Variants in SLC38A8 observed in about 807,000 individuals in gnomAD.
The protein encoded by SLC38A8 is amino acid transporter SLC38A8.
Under a neutral mutation model 46.0 loss-of-function variants are expected in SLC38A8, and 65 were observed. The observed-to-expected ratio is 1.41, with a 90% CI of 1.16 to 1.74. The LOEUF (loss-of-function observed/expected upper bound fraction) is 1.74, where lower values mean the gene tolerates loss of function less well. SLC38A8 is among the 40% of genes most tolerant of loss of function. SLC38A8 has a pLI of 0.00. For synonymous variants in SLC38A8, 447 were observed against 243.7 expected (o/e 1.83, Z -7.77); for missense variants, 998 against 567.9 (o/e 1.76, Z -7.70).
At chr16:84,017,100 G>A (rs773878818) in intron 8 of SLC38A8, 40 bp downstream of exon 8, 25 of 1,610,912 alleles carry the variant, frequency 1.6e-5, no homozygotes, top group Admixed American at 8.4e-5. Context: ...CACATCAGCA[G>A]ACCATGCTTC....
At chr16:84,010,417 G>C (rs112046380) in intron 10 of SLC38A8, among the ~76,000 whole-genome samples, 17,528 of 152,010 alleles carry the variant, frequency 0.12, 1,601 homozygotes, top group African/African-American at 0.26. Context: ...TATGTCATAA[G>C]CTCATTCCTC....
Position 84,039,003 on chromosome 16 carries a change from G to A in SLC38A8, c.190-2103C>T, listed in dbSNP as rs1053908177. On this transcript the variant is annotated intron_variant, in intron 2 of 10. Transcript: ENST00000299709. ...GGAAAATGTTAATTAAGTGAAAAAG[G>A]GGTTTGCCTCTATCATTAAGGATCT... 3.9e-5 allele frequency among the ~76,000 whole-genome samples: 6 copies of A among 152,312 alleles called. 1 individual carries two copies. In the South Asian group the frequency reaches 1.2e-3, roughly 32 times the overall value.
At chr16:84,026,439 C>G (rs1268971478) in intron 6 of SLC38A8, among the ~76,000 whole-genome samples, 1 of 152,186 alleles carries the variant, frequency 6.6e-6, no homozygotes, top group Non-Finnish European at 1.5e-5. Context: ...GTTGGCCAGG[C>G]TGGTCTTGAA....
chr16:84,020,037 C>A (rs2085077180), intron 7 of SLC38A8, among the ~76,000 whole-genome samples: 1 of 152,210 alleles, frequency 6.6e-6, no homozygotes, highest in African/African-American at 2.4e-5. Flanking sequence ...GGTAACTTCG[C>A]AGTTTGTAGT....
At chr16:84,024,274 T>C (rs1011152388) in intron 6 of SLC38A8, among the ~76,000 whole-genome samples, 1 of 152,212 alleles carries the variant, frequency 6.6e-6, no homozygotes, top group Non-Finnish European at 1.5e-5. Context: ...TCCCGGGGGC[T>C]TGACCATGTC....
At chr16:84,035,660 G>T (rs556914359) in intron 3 of SLC38A8, among the ~76,000 whole-genome samples, 1 of 152,290 alleles carries the variant, frequency 6.6e-6, no homozygotes, top group East Asian at 1.9e-4. Flanking sequence ...AATGAGAAGA[G>T]AACTTCTATA....
Position 84,034,786 on chromosome 16 carries a change from T to C in SLC38A8, c.389-1317A>G, listed in dbSNP as rs141130168. On this transcript the variant is annotated intron_variant, in intron 3 of 10. Transcript: ENST00000299709. The stretch of plus-strand genomic sequence containing the variant: ...GGACTGCACCGAGATCGTGGGTGAG[T>C]TTTAGACCTCCAGGTGGCGTGGGAT... 2.7e-5 allele frequency among the ~76,000 whole-genome samples: 4 copies of C among 149,256 alleles called. No individual in the cohort carries two copies. The East Asian group carries it at 5.9e-4, about 22-fold the overall frequency.
At chr16:84,014,632 A>G (rs1161256107) in intron 9 of SLC38A8, among the ~76,000 whole-genome samples, 1 of 152,216 alleles carries the variant, frequency 6.6e-6, no homozygotes, top group African/African-American at 2.4e-5. Context: ...CAGAGCCAGG[A>G]GCAGAGTGGG....
At chr16:84,032,191 G>A (rs1249047034) in intron 4 of SLC38A8, among the ~76,000 whole-genome samples, 1 of 138,874 alleles carries the variant, frequency 7.2e-6, no homozygotes, top group Non-Finnish European at 1.5e-5. Flanking sequence ...TTGTTTTGTT[G>A]TTGTTGTTGT....
chr16:84,017,903 G>C (rs148413420), intron 7 of SLC38A8, among the ~76,000 whole-genome samples: 10 of 152,290 alleles, frequency 6.6e-5, no homozygotes, highest in African/African-American at 2.4e-4. Flanking sequence ...GGAACATGTG[G>C]AGGTGATACT....
At chr16:84,033,216 C>T (rs978947169) in intron 4 of SLC38A8, 112 bp downstream of exon 4, 8 of 1,451,628 alleles carry the variant, frequency 5.5e-6, no homozygotes, top group South Asian at 2.5e-5. Context: ...TTTTCCCCTT[C>T]TCCAAATGTG....
chr16:84,012,918 A>G, intron 10 of SLC38A8, 83 bp downstream of exon 10: 1 of 1,445,318 alleles, frequency 6.9e-7, no homozygotes, highest in Non-Finnish European at 9.6e-7. Flanking sequence ...AGGATGAGAA[A>G]TAGGATCTGC....
intron 7 of SLC38A8, among the ~76,000 whole-genome samples, chr16:84,022,402 C>G (rs565443026): frequency 6.6e-6 from 1 of 152,198 alleles, no homozygotes; most frequent in East Asian, 1.9e-4. Flanking sequence ...CACCCACAAA[C>G]GTTTTGTAAA....
chr16:84,036,389 T>C (rs1273341052), intron 3 of SLC38A8, among the ~76,000 whole-genome samples: 1 of 152,242 alleles, frequency 6.6e-6, no homozygotes, highest in African/African-American at 2.4e-5. Context: ...AAGGTGTTAC[T>C]GGTTCTTTCT....
At chr16:84,031,615 A>AT (rs1485378029) in intron 5 of SLC38A8, among the ~76,000 whole-genome samples, 3 of 152,176 alleles carry the variant, frequency 2.0e-5, no homozygotes, top group African/African-American at 7.2e-5. Context: ...TATGACCCCT[A>AT]GGCCGCCGCA....
In SLC38A8 at chr16:84,031,903, G is replaced by A. The variant is rs951012617; in HGVS notation, c.596C>T (p.Pro199Leu). The A allele has an allele frequency of 1.1e-5, 17 of 1,614,076 alleles. No individual in the cohort carries two copies. The highest frequency in any genetic ancestry group is 1.4e-5 in the Non-Finnish European group (16 of 1,180,040). Residue 199 changes from proline to leucine, a missense_variant, in exon 5 of 11, where the codon CCC becomes CTC. By Grantham distance (98) the Pro-to-Leu change is moderately conservative. Transcript: ENST00000299709. ...ATGGGACTCACGCACGAGGCCCTGG[G>A]GCCAGAGGTAGTACTGCACGGTGAT... ...LVITVQYYLWPQGLVRESHPS... is the reference protein window; with the variant it reads ...LVITVQYYLWLQGLVRESHPS...
At chr16:84,040,822 G>C (rs1265415211) in intron 2 of SLC38A8, among the ~76,000 whole-genome samples, 1 of 152,184 alleles carries the variant, frequency 6.6e-6, no homozygotes, top group East Asian at 1.9e-4. Flanking sequence ...TGAAGCTGAT[G>C]ACATGCATCT....
chr16:84,033,438 G>C lies in SLC38A8; in HGVS notation c.420C>G (p.Pro140=), dbSNP rs200108094. ...GGTCTGCGTACCACGGCTGCGGGGC[G>C]GGCGGGGTGCCAGACAGGAGGGAGT... ...LCDSLLSGTP[P]APQPWYADQR... The change falls in exon 4 of 11, where the codon CCC becomes CCG. Residue 140 remains proline, a synonymous_variant. Transcript: ENST00000299709. 2 of 1,610,784 alleles carry C rather than the reference G, an allele frequency of 1.2e-6. No homozygotes were observed. Among genetic ancestry groups the C allele is most frequent in the African/African-American group, 1.3e-5 (1 of 74,868 alleles).
intron 7 of SLC38A8, among the ~76,000 whole-genome samples, chr16:84,019,774 G>T (rs977265204): frequency 1.3e-5 from 2 of 152,240 alleles, no homozygotes; most frequent in Admixed American, 6.5e-5. Context: ...GCAGGCAAAA[G>T]AAACATTCTC....
Sources: gnomAD v4.1 joint callset for allele counts (sites outside exome capture counted in the v4.1 genomes callset) on GRCh38, gnomAD v4.1.1 for gene constraint, MANE v1.5 for transcripts, NCBI Gene and HGNC (gene_info 2026-07-23, HGNC 2026-07-21) for gene names.